The following NOL4 variants were observed in gnomAD, a reference collection of about 807,000 sequenced individuals.
NOL4 encodes the protein cancer/testis antigen 125.
Under a neutral mutation model 75.9 loss-of-function variants are expected in NOL4, and 17 were observed. The ratio of observed to expected loss-of-function variants is 0.22; its 90% CI spans 0.15 to 0.34. The LOEUF is 0.34. NOL4 is among the 10% of genes least tolerant of loss of function. The pLI, the probability that NOL4 is intolerant of heterozygous loss-of-function variation, is 1.00. For missense variants in NOL4, 614 were observed against 793.5 expected (o/e 0.77, Z 2.72); for synonymous variants, 292 against 289.9 (o/e 1.01, Z -0.07).
chr18:33,884,810 C>T (rs975172409), intron 9 of NOL4, among the ~76,000 whole-genome samples: 2 of 152,018 alleles, frequency 1.3e-5, no homozygotes, highest in African/African-American at 4.8e-5. Context: ...AATTAGTTTG[C>T]TCTATTGAAA....
At chr18:33,879,516 T>C (rs1391517583) in intron 10 of NOL4, among the ~76,000 whole-genome samples, 1 of 151,506 alleles carries the variant, frequency 6.6e-6, no homozygotes, top group Non-Finnish European at 1.5e-5. Context: ...CTGCTAAAAA[T>C]AAAAATAAAA....
At chr18:33,974,804 T>C (rs1232508542) in intron 6 of NOL4, among the ~76,000 whole-genome samples, 1 of 151,908 alleles carries the variant, frequency 6.6e-6, no homozygotes, top group Non-Finnish European at 1.5e-5. Flanking sequence ...CAAAGCACAA[T>C]GAAACAAGGT....
chr18:34,164,278 A>C (rs1285810576), intron 1 of NOL4, among the ~76,000 whole-genome samples: 1 of 152,070 alleles, frequency 6.6e-6, no homozygotes, highest in Admixed American at 6.5e-5. Context: ...GCACAGCAAA[A>C]GAAACTACCA....
chr18:33,941,104 C>A (rs2068449373), intron 9 of NOL4, among the ~76,000 whole-genome samples: 1 of 151,852 alleles, frequency 6.6e-6, no homozygotes, highest in Admixed American at 6.6e-5. Context: ...TCTTTAACAA[C>A]ATATAAACGT....
At chr18:33,871,218 G>A (rs1390046885) in intron 10 of NOL4, among the ~76,000 whole-genome samples, 6 of 151,972 alleles carry the variant, frequency 3.9e-5, no homozygotes, top group Non-Finnish European at 8.8e-5. Flanking sequence ...TTTATGAAGA[G>A]GGAAAAACGA....
intron 5 of NOL4, among the ~76,000 whole-genome samples, chr18:34,068,702 T>C (rs2077386621): frequency 6.6e-6 from 1 of 152,198 alleles, no homozygotes; most frequent in African/African-American, 2.4e-5. Context: ...TGGCAGAGAA[T>C]TGCTTATTTC....
At chr18:34,068,099 G>A (rs1208216046) in intron 5 of NOL4, among the ~76,000 whole-genome samples, 1 of 152,084 alleles carries the variant, frequency 6.6e-6, no homozygotes, top group African/African-American at 2.4e-5. Context: ...AAATTAGGAG[G>A]TGAGCAAAGA....
chr18:33,906,742 GTAGA>G (rs1472069323), intron 9 of NOL4, among the ~76,000 whole-genome samples: 3 of 152,116 alleles, frequency 2.0e-5, no homozygotes, highest in Non-Finnish European at 4.4e-5. Flanking sequence ...AAAGTGTTAT[GTAGA>G]TAAAGCAGGC....
In NOL4 at chr18:34,086,006, T is replaced by A. The variant is rs1022983571; in HGVS notation, c.772+7459A>T. 9.2e-5 allele frequency among the ~76,000 whole-genome samples: 14 copies of A among 152,266 alleles called. No individual in the cohort carries two copies. In the South Asian group the frequency reaches 2.9e-3, roughly 32 times the overall value. The stretch of plus-strand genomic sequence containing the variant: ...TATTACTTATAAAGGTAGTTTATAC[T>A]TCTGTAAATTATTATACAATTATTT... On this transcript the variant is annotated intron_variant, in intron 5 of 10. Transcript: ENST00000261592.
chr18:34,023,190 T>C (rs1242083636), intron 5 of NOL4, among the ~76,000 whole-genome samples: 1 of 152,106 alleles, frequency 6.6e-6, no homozygotes, highest in African/African-American at 2.4e-5. Flanking sequence ...GTCCTATAAA[T>C]CCAAATTTAA....
intron 6 of NOL4, among the ~76,000 whole-genome samples, chr18:33,995,401 T>C (rs1184968719): frequency 2.0e-5 from 3 of 151,670 alleles, no homozygotes; most frequent in Admixed American, 6.6e-5. Flanking sequence ...ATGAATATAA[T>C]TGTACCTATT....
At chr18:34,183,672 T>G (rs933959230) in intron 1 of NOL4, 9 of 151,984 alleles carry the variant, frequency 5.9e-5, no homozygotes, top group African/African-American at 2.2e-4. Flanking sequence ...AAACTATTGA[T>G]TCACATACCA....
At chr18:34,012,226 GAAGTGGTTCCTGATTTTA>G (rs1191842966) in intron 6 of NOL4, among the ~76,000 whole-genome samples, 3 of 151,910 alleles carry the variant, frequency 2.0e-5, no homozygotes, top group Non-Finnish European at 4.4e-5. Flanking sequence ...TCTGTAAAAT[GAAGTGGTTCCTGATTTTA>G]AAGTTGTATT....
intron 9 of NOL4, among the ~76,000 whole-genome samples, chr18:33,906,985 T>C (rs1333354598): frequency 2.6e-5 from 4 of 152,138 alleles, no homozygotes; most frequent in Non-Finnish European, 5.9e-5. Context: ...ATAAAGACTT[T>C]CATTGTATAT....
At chr18:34,172,917 T>G (rs534659141) in intron 1 of NOL4, among the ~76,000 whole-genome samples, 1 of 152,104 alleles carries the variant, frequency 6.6e-6, no homozygotes, top group Non-Finnish European at 1.5e-5. Flanking sequence ...CCTTGTAAGG[T>G]ATATGATATG....
chr18:34,110,885 C>A (rs2079555147), intron 2 of NOL4, among the ~76,000 whole-genome samples: 1 of 151,660 alleles, frequency 6.6e-6, no homozygotes, highest in African/African-American at 2.4e-5. Context: ...TTATAGATAA[C>A]AATGAACTAT....
intron 9 of NOL4, among the ~76,000 whole-genome samples, chr18:33,911,988 C>T (rs560025278): frequency 3.5e-4 from 54 of 152,180 alleles, no homozygotes; most frequent in African/African-American, 1.2e-3. Context: ...CCTGGCAATA[C>T]AGAATTGGGG....
chr18:34,164,245 T>C (rs1382216392), intron 1 of NOL4, among the ~76,000 whole-genome samples: 1 of 151,708 alleles, frequency 6.6e-6, no homozygotes, highest in Non-Finnish European at 1.5e-5. Context: ...ACAAATGGGA[T>C]CTAATTAAAC....
rs541558219 is a variant in NOL4, at chr18:33,931,537, C to T, written c.1542+11528G>A. ...CTTGAGCCCAGGAGTTTGAGACCAA[C>T]CTGGGCAACACAGCAAGATCCTGTC... On this transcript the variant is annotated intron_variant, in intron 9 of 10. Transcript: ENST00000261592. Among the ~76,000 whole-genome samples, 4 of 152,094 alleles carry T rather than the reference C, an allele frequency of 2.6e-5. No individual in the cohort carries two copies. The South Asian group carries it at 8.3e-4, about 32-fold the overall frequency.
Sources: allele counts gnomAD v4.1 joint callset (sites outside exome capture counted in the v4.1 genomes callset), GRCh38; gene constraint gnomAD v4.1.1; transcripts MANE v1.5; gene names NCBI Gene and HGNC (gene_info 2026-07-23, HGNC 2026-07-21).